ATP9B: variants seen among roughly 807,000 people sequenced by gnomAD.
ATP9B encodes the protein probable phospholipid-transporting ATPase IIB.
In ATP9B, 110 loss-of-function variants were observed where a neutral mutation model predicts 146.1. The observed-to-expected ratio is 0.75, with a 90% CI of 0.65 to 0.88. The LOEUF is 0.88. Ranked by LOEUF, ATP9B falls within the 40% of genes least tolerant of loss-of-function variation. The probability of loss-of-function intolerance (pLI) is 0.00; values close to 1 mark genes in which losing one functional copy is unlikely to be tolerated. For missense variants in ATP9B, 1,499 were observed against 1,496.4 expected, an observed-to-expected ratio of 1.00 and a Z score of -0.03; for synonymous variants, 604 against 569.7, an observed-to-expected ratio of 1.06 and a Z score of -0.86.
chr18:79,367,561 G>T (rs1209560281), intron 26 of ATP9B, among the ~76,000 whole-genome samples: 1 of 151,352 alleles, frequency 6.6e-6, no homozygotes, highest in African/African-American at 2.5e-5. Flanking sequence ...CCATGTGTAC[G>T]CAGAGAAAGC....
intron 11 of ATP9B, among the ~76,000 whole-genome samples, chr18:79,231,521 A>C (rs903901840): frequency 6.6e-6 from 1 of 152,128 alleles, no homozygotes; most frequent in African/African-American, 2.4e-5. Flanking sequence ...ATCAGGGAAC[A>C]CTTCTACACT....
chr18:79,097,399 A>T (rs2074881830), intron 2 of ATP9B, among the ~76,000 whole-genome samples: 1 of 151,676 alleles, frequency 6.6e-6, no homozygotes. Flanking sequence ...ATTTCAGACT[A>T]GGTTGATTAC....
At position 79,336,721 on chromosome 18, in the gene ATP9B, C is replaced by T; in HGVS notation, c.2112+10C>T. The T allele has an allele frequency of 1.2e-6, 2 of 1,613,518 alleles. No individual in the cohort carries two copies. Among genetic ancestry groups the T allele is most frequent in the Non-Finnish European group, 1.7e-6 (2 of 1,179,656 alleles). The stretch of plus-strand genomic sequence containing the variant: ...GTACCAGGACTTTGAGGTGAGCCGA[C>T]TCCCAGCCATCCCATCCTCCTACGA... On this transcript the variant is annotated intron_variant, in intron 18 of 29. Transcript: ENST00000426216.
At chr18:79,297,004 C>T (rs917786534) in intron 13 of ATP9B, among the ~76,000 whole-genome samples, 1 of 148,376 alleles carries the variant, frequency 6.7e-6, no homozygotes, top group Non-Finnish European at 1.5e-5. Context: ...ACACAGACGA[C>T]CCAGAGAGAA....
At chr18:79,219,639 CTCTT>C (rs1180871311) in intron 11 of ATP9B, among the ~76,000 whole-genome samples, 1 of 152,180 alleles carries the variant, frequency 6.6e-6, no homozygotes, top group African/African-American at 2.4e-5. Context: ...CAGTATGTCA[CTCTT>C]TCTGTCTCCC....
intron 26 of ATP9B, among the ~76,000 whole-genome samples, chr18:79,370,883 A>G (rs1198522393): frequency 6.6e-6 from 1 of 152,186 alleles, no homozygotes; most frequent in African/African-American, 2.4e-5. Context: ...TTTCTTTCTT[A>G]TGTCAAAATA....
chr18:79,350,000 T>C (rs1341056168), intron 25 of ATP9B, among the ~76,000 whole-genome samples: 2 of 148,978 alleles, frequency 1.3e-5, no homozygotes, highest in African/African-American at 4.9e-5. Context: ...ACAAGGTATA[T>C]CGGGTCCTCG....
chr18:79,182,357 G>A (rs2148011858), intron 8 of ATP9B, among the ~76,000 whole-genome samples: 1 of 152,308 alleles, frequency 6.6e-6, no homozygotes, highest in East Asian at 1.9e-4. Context: ...TAACACTCAG[G>A]TGGAACACTT....
Position 79,337,445 on chromosome 18 carries a change from T to G in ATP9B, c.2279T>G (p.Ile760Ser). The G allele has an allele frequency of 6.2e-7, 1 of 1,609,972 alleles. No homozygotes were observed. The highest frequency in any genetic ancestry group is 2.2e-5 in the East Asian group (1 of 44,876). Residue 760 changes from isoleucine to serine, a missense_variant, in exon 19 of 30, where the codon ATC becomes AGC. Coordinates refer to ENST00000426216, the MANE Select transcript of ATP9B (RefSeq NM_198531.5). ...PTLEMLRNAGIKIWMLTGDKL... is the reference protein window; with the variant it reads ...PTLEMLRNAGSKIWMLTGDKL... ...CTGGAGATGCTGCGCAACGCCGGGA[T>G]CAAGGTACTGCAGGCTCACCTCTGC...
chr18:79,354,982 G>A (rs913418842), intron 25 of ATP9B, among the ~76,000 whole-genome samples: 2 of 152,224 alleles, frequency 1.3e-5, no homozygotes, highest in Non-Finnish European at 2.9e-5. Context: ...GGCAAGTGGA[G>A]AGCTGAAAGT....
chr18:79,102,027 C>T (rs2075316349), intron 2 of ATP9B, among the ~76,000 whole-genome samples: 1 of 152,132 alleles, frequency 6.6e-6, no homozygotes, highest in Non-Finnish European at 1.5e-5. Context: ...CTCACTGCAA[C>T]TTCCGCCTCC....
intron 17 of ATP9B, among the ~76,000 whole-genome samples, chr18:79,330,868 T>C (rs2096786621): frequency 6.6e-6 from 1 of 152,258 alleles, no homozygotes; most frequent in Non-Finnish European, 1.5e-5. Context: ...ACTTTATATG[T>C]AATCAAAGTT....
intron 28 of ATP9B, chr18:79,374,327 T>G: frequency 2.2e-6 from 1 of 464,664 alleles, no homozygotes; most frequent in Admixed American, 3.6e-5. Context: ...CGTCGGTCAC[T>G]GGCTGGCCGG....
At chr18:79,160,612 A>G (rs956673071) in intron 7 of ATP9B, among the ~76,000 whole-genome samples, 7 of 152,354 alleles carry the variant, frequency 4.6e-5, no homozygotes, top group Middle Eastern at 3.4e-3. Flanking sequence ...GTGTTAGAAG[A>G]TAAATTATGA....
intron 6 of ATP9B, among the ~76,000 whole-genome samples, chr18:79,153,989 C>T (rs143306437): frequency 0.069 from 9,656 of 139,888 alleles, 400 homozygotes; most frequent in Non-Finnish European, 0.096. Context: ...GATGGAGTCT[C>T]GCTCTGTCAC....
At chr18:79,372,090 C>T (rs7244998) in intron 26 of ATP9B, among the ~76,000 whole-genome samples, 38,864 of 151,266 alleles carry the variant, frequency 0.26, 5,834 homozygotes, top group African/African-American at 0.41. Context: ...CAAGTCAGGG[C>T]GATTGTTAAT....
intron 2 of ATP9B, 66 bp downstream of exon 2, chr18:79,096,715 A>G (rs1434871043): frequency 7.8e-7 from 1 of 1,284,852 alleles, no homozygotes; most frequent in African/African-American, 1.6e-5. Context: ...AGCTTCTAAT[A>G]TACTTATTAG....
intron 26 of ATP9B, chr18:79,363,895 A>G (rs4799049): frequency 0.9 from 136,577 of 152,338 alleles, 61,388 homozygotes; most frequent in East Asian, 1. Flanking sequence ...GAGCCTCAGT[A>G]TTGCTTCACA....
chr18:79,164,524 G>A (rs1015694233), intron 7 of ATP9B, among the ~76,000 whole-genome samples: 2 of 152,006 alleles, frequency 1.3e-5, no homozygotes, highest in African/African-American at 4.8e-5. Context: ...GACCATCCTG[G>A]CTAACATGGT....
Sources: allele counts gnomAD v4.1 joint callset (sites outside exome capture counted in the v4.1 genomes callset), GRCh38; gene constraint gnomAD v4.1.1; transcripts MANE v1.5; gene names NCBI Gene and HGNC (gene_info 2026-07-23, HGNC 2026-07-21).